NRG1: variants seen among roughly 807,000 people sequenced by gnomAD.
NRG1 encodes the protein neuregulin 1.
In NRG1, 18 loss-of-function variants were observed where a neutral mutation model predicts 63.8. The observed-to-expected ratio is 0.28, with a 90% CI of 0.19 to 0.42. The LOEUF is 0.42. Among genes scored for constraint, NRG1 ranks in the 10% least tolerant of loss-of-function variants. The probability of loss-of-function intolerance (pLI) is 1.00; values close to 1 mark genes in which losing one functional copy is unlikely to be tolerated. For missense variants in NRG1, 762 were observed against 814.7 expected, an observed-to-expected ratio of 0.94 and a Z score of 0.79; for synonymous variants, 302 against 301.3, an observed-to-expected ratio of 1.00 and a Z score of -0.02.
chr8:32,112,592 G>C (rs912713848), intron 1 of NRG1, among the ~76,000 whole-genome samples: 1 of 152,214 alleles, frequency 6.6e-6, no homozygotes, highest in Non-Finnish European at 1.5e-5. Context: ...AGGAGGTGCA[G>C]GAGAAATCCT....
chr8:31,996,855 AG>A (rs558859355), intron 1 of NRG1, among the ~76,000 whole-genome samples: 17 of 151,976 alleles, frequency 1.1e-4, no homozygotes, highest in Non-Finnish European at 2.2e-4. Flanking sequence ...AATTGTAAAA[AG>A]GACCTGTGAA....
At chr8:32,390,940 G>T (rs557115521) in intron 1 of NRG1, among the ~76,000 whole-genome samples, 1 of 152,254 alleles carries the variant, frequency 6.6e-6, no homozygotes, top group South Asian at 2.1e-4. Context: ...ACTTTACTAG[G>T]ATGTTCTGAC....
chr8:32,526,811 T>C (rs1830893771), intron 1 of NRG1, among the ~76,000 whole-genome samples: 1 of 152,216 alleles, frequency 6.6e-6, no homozygotes, highest in Non-Finnish European at 1.5e-5. Context: ...TCCTTGTCTT[T>C]TCCCTTCATC....
chr8:32,711,720 C>T (rs905390109), intron 5 of NRG1, among the ~76,000 whole-genome samples: 5 of 152,124 alleles, frequency 3.3e-5, no homozygotes, highest in African/African-American at 1.2e-4. Flanking sequence ...TCCAGTTCCT[C>T]CCTCGTGACC....
At chr8:31,750,015 C>T (rs1052246258) in intron 1 of NRG1, among the ~76,000 whole-genome samples, 5 of 151,762 alleles carry the variant, frequency 3.3e-5, no homozygotes, top group South Asian at 2.1e-4. Context: ...AAGGATGATT[C>T]CATTCTCTCA....
intron 1 of NRG1, among the ~76,000 whole-genome samples, chr8:32,286,727 G>A (rs906675906): frequency 2.0e-5 from 3 of 152,214 alleles, no homozygotes; most frequent in Admixed American, 6.5e-5. Flanking sequence ...GGCCGGGCAC[G>A]GTGGCTCACG....
intron 5 of NRG1, among the ~76,000 whole-genome samples, chr8:32,725,169 T>A (rs1282732040): frequency 2.6e-5 from 4 of 152,116 alleles, no homozygotes; most frequent in African/African-American, 9.7e-5. Flanking sequence ...GGTTTTGTTG[T>A]TTTTAGCAAA....
At chr8:32,730,976 A>G (rs1244203881) in intron 6 of NRG1, among the ~76,000 whole-genome samples, 1 of 152,176 alleles carries the variant, frequency 6.6e-6, no homozygotes, top group Non-Finnish European at 1.5e-5. Flanking sequence ...TCAGAAAAGC[A>G]TCTGAGACCA....
At chr8:31,713,500 A>C (rs1812035947) in intron 1 of NRG1, among the ~76,000 whole-genome samples, 1 of 151,946 alleles carries the variant, frequency 6.6e-6, no homozygotes, top group Admixed American at 6.6e-5. Context: ...ATGGTGGTGT[A>C]TTTTTGTTGG....
intron 5 of NRG1, among the ~76,000 whole-genome samples, chr8:32,655,116 A>C (rs1188340046): frequency 1.3e-5 from 2 of 152,142 alleles, no homozygotes; most frequent in Non-Finnish European, 2.9e-5. Context: ...AAAATATGAA[A>C]CCAGCACCAA....
intron 1 of NRG1, among the ~76,000 whole-genome samples, chr8:31,689,524 A>G (rs1809271433): frequency 2.0e-5 from 3 of 152,208 alleles, no homozygotes; most frequent in Non-Finnish European, 2.9e-5. Flanking sequence ...AAAATGTCAG[A>G]GAGACTGCAT....
chr8:32,673,386 G>A (rs777240464), intron 5 of NRG1, among the ~76,000 whole-genome samples: 1 of 152,100 alleles, frequency 6.6e-6, no homozygotes, highest in African/African-American at 2.4e-5. Context: ...ATATTCAAAA[G>A]CCTTTCTGTT....
intron 5 of NRG1, among the ~76,000 whole-genome samples, chr8:32,631,894 C>CACTTGTTAAGA (rs945780606): frequency 6.6e-6 from 1 of 152,046 alleles, no homozygotes; most frequent in African/African-American, 2.4e-5. Context: ...TGGGGGTGGA[C>CACTTGTTAAGA]ACACTTGTTC....
chr8:31,858,875 C>T (rs1022430936), intron 1 of NRG1, among the ~76,000 whole-genome samples: 11 of 152,156 alleles, frequency 7.2e-5, no homozygotes, highest in African/African-American at 2.7e-4. Flanking sequence ...GCCATATTCA[C>T]CTGATCTCTC....
chr8:32,181,146 T>C (rs771885528), intron 1 of NRG1, among the ~76,000 whole-genome samples: 3 of 152,318 alleles, frequency 2.0e-5, no homozygotes, highest in South Asian at 2.1e-4. Context: ...GAATAGTTTC[T>C]TATGGTCCAA....
chr8:32,080,025 TGA>T (rs1456720132), intron 1 of NRG1, among the ~76,000 whole-genome samples: 1 of 152,114 alleles, frequency 6.6e-6, no homozygotes, highest in East Asian at 1.9e-4. Context: ...GACTCAGGAC[TGA>T]GAGGAAAAAC....
chr8:31,865,749 T>C (rs562226867), intron 1 of NRG1, among the ~76,000 whole-genome samples: 1 of 152,260 alleles, frequency 6.6e-6, no homozygotes, highest in South Asian at 2.1e-4. Context: ...TAAACCTCTT[T>C]CCATTATAAA....
At chr8:32,231,351 A>G (rs1846917618) in intron 1 of NRG1, among the ~76,000 whole-genome samples, 1 of 152,160 alleles carries the variant, frequency 6.6e-6, no homozygotes. Context: ...AACATTATTA[A>G]CTTGAAAGAA....
intron 1 of NRG1, among the ~76,000 whole-genome samples, chr8:31,671,771 A>G (rs1041579821): frequency 1.3e-5 from 2 of 152,154 alleles, no homozygotes; most frequent in Admixed American, 6.5e-5. Flanking sequence ...TTCACAGACT[A>G]TCATTAATTT....
Sources: gnomAD v4.1 joint callset for allele counts (sites outside exome capture counted in the v4.1 genomes callset) on GRCh38, gnomAD v4.1.1 for gene constraint, MANE v1.5 for transcripts, NCBI Gene and HGNC (gene_info 2026-07-23, HGNC 2026-07-21) for gene names.